The following LPIN1 variants were observed in gnomAD, a reference collection of about 807,000 sequenced individuals.
The protein encoded by LPIN1 is lipin 1, also known as phosphatidate phosphatase LPIN1.
Under a neutral mutation model 107.5 loss-of-function variants are expected in LPIN1, and 71 were observed. That is an observed-to-expected ratio of 0.66 (90% CI 0.55 to 0.80). The LOEUF (loss-of-function observed/expected upper bound fraction) is 0.80, where lower values mean the gene tolerates loss of function less well. LPIN1 is among the 30% of genes least tolerant of loss of function. LPIN1 has a pLI of 0.00. For missense variants in LPIN1, 1,043 were observed against 1,160.6 expected, an observed-to-expected ratio of 0.90 and a Z score of 1.47; for synonymous variants, 445 against 452.6, an observed-to-expected ratio of 0.98 and a Z score of 0.21.
At chr2:11,755,547 C>T (rs1390921835) in intron 1 of LPIN1, among the ~76,000 whole-genome samples, 3 of 152,026 alleles carry the variant, frequency 2.0e-5, no homozygotes, top group South Asian at 4.2e-4. Context: ...CAAGCTACTG[C>T]CCTGGATGGC....
upstream of LPIN1, among the ~76,000 whole-genome samples, chr2:11,721,441 G>C (rs67334974): frequency 0.093 from 14,178 of 152,016 alleles, 895 homozygotes; most frequent in African/African-American, 0.18. Flanking sequence ...TAAGGACCGA[G>C]TTCCCCAGGT....
chr2:11,784,631 C>A, intron 9 of LPIN1: 1 of 563,970 alleles, frequency 1.8e-6, no homozygotes. Context: ...ACAGGGAGGA[C>A]AGCTTGCTTC....
At chr2:11,797,629 C>T (rs937357927) in intron 14 of LPIN1, among the ~76,000 whole-genome samples, 6 of 152,124 alleles carry the variant, frequency 3.9e-5, no homozygotes, top group Non-Finnish European at 8.8e-5. Context: ...GTAGCCCCTT[C>T]GTTTTGGCCA....
intron 1 of LPIN1, among the ~76,000 whole-genome samples, chr2:11,698,582 C>T (rs143064140): frequency 2.0e-5 from 3 of 152,316 alleles, no homozygotes; most frequent in African/African-American, 2.4e-5. Context: ...CTAGATTGCC[C>T]GACACCATGC....
rs1308731841 is a variant in LPIN1, at chr2:11,785,058, C to CACCGGGAGATCACGAAAGGT, written c.1536_1549+6dup. ...CTCCCTCTGCGGGGGCCTCAGCGAC[C>CACCGGGAGATCACGAAAGGT]ACCGGGAGATCACGAAAGGTACCGC... On this transcript the variant is annotated frameshift_variant, in exon 10 of 21. Transcript: ENST00000674199. LOFTEE classifies it high-confidence loss of function. 3.1e-5 allele frequency: 49 copies of CACCGGGAGATCACGAAAGGT among 1,586,828 alleles called. No individual in the cohort carries two copies. Among genetic ancestry groups the CACCGGGAGATCACGAAAGGT allele is most frequent in the Non-Finnish European group, 3.9e-5 (46 of 1,168,918 alleles).
chr2:11,758,261 G>GTTT (rs372273564), intron 1 of LPIN1, among the ~76,000 whole-genome samples: 11 of 147,298 alleles, frequency 7.5e-5, no homozygotes, highest in African/African-American at 2.7e-4. Flanking sequence ...CCTGCTTTCA[G>GTTT]TTTTTTTTTT....
chr2:11,716,913 C>T lies in LPIN1; in HGVS notation c.138+3101C>T, dbSNP rs75969654. Among the ~76,000 whole-genome samples the T allele has an allele frequency of 1.6e-3, 243 of 152,306 alleles. 3 individuals carry two copies. The highest frequency in any genetic ancestry group is 2.4e-3 in the Non-Finnish European group (161 of 68,028). Reference sequence around the variant, plus strand: ...GTGCCTCCCTCTTGGCTGATGTGTACTTTGATTGCGACATTTCTAATAAGA... The same window carrying T: ...GTGCCTCCCTCTTGGCTGATGTGTATTTTGATTGCGACATTTCTAATAAGA... On this transcript the variant is annotated intron_variant, in intron 2 of 21. Coordinates refer to the LPIN1 transcript ENST00000449576.
rs1039480537 is a variant in LPIN1 at position 11,774,147 on chromosome 2, A to T, written c.722+402A>T. On this transcript the variant is annotated intron_variant, in intron 5 of 20. Coordinates refer to ENST00000674199, the MANE Select transcript of LPIN1 (RefSeq NM_001349206.2). This position sits in a 1 kb window ranked among gnomAD's most constrained non-coding sequence, Gnocchi z 4.4. Reference sequence around the variant, plus strand: ...GCTATTAGAATGGTGCCTCCGCCACACTTAATCCATTCTGCCGAATTCAAG... The same window carrying T: ...GCTATTAGAATGGTGCCTCCGCCACTCTTAATCCATTCTGCCGAATTCAAG... Among the ~76,000 whole-genome samples the T allele has an allele frequency of 1.3e-5, 2 of 152,240 alleles. No homozygotes were observed. The highest frequency in any genetic ancestry group is 4.8e-5 in the African/African-American group (2 of 41,470).
upstream of LPIN1, among the ~76,000 whole-genome samples, chr2:11,744,871 C>A (rs982879349): frequency 2.0e-5 from 3 of 152,332 alleles, no homozygotes; most frequent in African/African-American, 7.2e-5. Context: ...AGCTCACCTA[C>A]AAACTGCAAG....
intron 14 of LPIN1, among the ~76,000 whole-genome samples, chr2:11,800,105 G>A (rs1391624327): frequency 1.3e-5 from 2 of 152,228 alleles, no homozygotes; most frequent in East Asian, 3.8e-4. Context: ...CCAGGTCTCT[G>A]TGTTGTGATT....
chr2:11,820,322 A>G (rs1451249243), intron 19 of LPIN1, 89 bp from the exon 20 acceptor site: 2 of 832,478 alleles, frequency 2.4e-6, no homozygotes, highest in Admixed American at 1.9e-5. Context: ...TGAAAATTTG[A>G]TATCTCATCA....
Position 11,779,609 on chromosome 2 carries a change from G to T in LPIN1, c.921G>T (p.Met307Ile). 6.2e-7 allele frequency: 1 copy of T among 1,614,166 alleles called. No individual in the cohort carries two copies. Among genetic ancestry groups the T allele is most frequent in the Non-Finnish European group, 8.5e-7 (1 of 1,180,028 alleles). ...TERTGQKNPE[M>I]LWLWGELPQA... ...GGACAGGGCAGAAGAACCCAGAAAT[G>T]CTTTGGCTGTGGGGAGAGCTGCCGC... is the stretch of plus-strand genomic sequence containing the variant. Residue 307 changes from methionine to isoleucine, a missense_variant, in exon 7 of 21, where the codon ATG (methionine) becomes ATT (isoleucine). Physicochemically the swap from Met to Ile is conservative, Grantham distance 10 (BLOSUM62 1). Coordinates refer to ENST00000674199, the MANE Select transcript of LPIN1 (RefSeq NM_001349206.2).
chr2:11,694,491 A>G (rs1329152364), intron 1 of LPIN1, among the ~76,000 whole-genome samples: 1 of 152,116 alleles, frequency 6.6e-6, no homozygotes, highest in Non-Finnish European at 1.5e-5. Flanking sequence ...CTTCTGCAGC[A>G]TTGAGTGTCT....
At chr2:11,743,714 G>A (rs992635817), upstream of LPIN1, among the ~76,000 whole-genome samples, 2 of 152,248 alleles carry the variant, frequency 1.3e-5, no homozygotes, top group East Asian at 1.9e-4. The surrounding 1 kb of genome is among the most constrained non-coding windows in gnomAD (Gnocchi z 4.7). Context: ...CTTTCTGCCC[G>A]GGCAGTTACA....
chr2:11,775,471 G>C (rs1397128023), intron 5 of LPIN1, among the ~76,000 whole-genome samples: 1 of 152,222 alleles, frequency 6.6e-6, no homozygotes, highest in Non-Finnish European at 1.5e-5. Context: ...TAATGACTGA[G>C]TCAGGTTATG....
At chr2:11,808,256 C>T (rs140859897) in intron 17 of LPIN1, among the ~76,000 whole-genome samples, 3 of 152,182 alleles carry the variant, frequency 2.0e-5, no homozygotes, top group African/African-American at 7.2e-5. Flanking sequence ...CGATGGCAGC[C>T]TCCAGAGCCA....
Position 11,819,471 on chromosome 2 carries a change from A to T in LPIN1, c.2403-13A>T, listed in dbSNP as rs748217087. ...AGCCTCTCATGTTAATCTGTTATTT[A>T]TTTGTTTAACAGAGAAGTGATTGAA... On this transcript the variant is annotated splice_polypyrimidine_tract_variant and intron_variant, in intron 18 of 20. Transcript: ENST00000674199. 4.6e-6 allele frequency: 7 copies of T among 1,515,682 alleles called. No homozygotes were observed. The highest frequency in any genetic ancestry group is 6.4e-6 in the Non-Finnish European group (7 of 1,090,050). 93.9% of individuals were successfully genotyped at this position (1,515,682 alleles called of 1,614,324 possible).
chr2:11,820,748 T>C (rs1243835001), intron 20 of LPIN1, among the ~76,000 whole-genome samples: 4 of 152,240 alleles, frequency 2.6e-5, no homozygotes, highest in Non-Finnish European at 5.9e-5. Context: ...GGTTAGAGTC[T>C]GCTACAGAAT....
chr2:11,748,671 C>T (rs1473646826), intron 1 of LPIN1, among the ~76,000 whole-genome samples: 2 of 152,176 alleles, frequency 1.3e-5, no homozygotes, highest in African/African-American at 4.8e-5. Flanking sequence ...ACACCCCCTC[C>T]CCCTGCCTGC....
Sources: allele counts gnomAD v4.1 joint callset (sites outside exome capture counted in the v4.1 genomes callset), GRCh38; gene constraint gnomAD v4.1.1; non-coding constraint Gnocchi (gnomAD v3.1); transcripts MANE v1.5; gene names NCBI Gene and HGNC (gene_info 2026-07-23, HGNC 2026-07-21).